DMRT1: variants seen among roughly 807,000 people sequenced by gnomAD.
The protein encoded by DMRT1 is doublesex- and mab-3-related transcription factor 1.
DMRT1 carries 7 observed loss-of-function variants against 32.3 expected under a neutral mutation model. The observed-to-expected ratio is 0.22, with a 90% CI of 0.12 to 0.41. DMRT1 has a LOEUF of 0.41. DMRT1 is among the 10% of genes least tolerant of loss of function. DMRT1 has a pLI of 1.00. For synonymous variants in DMRT1, 278 were observed against 206.1 expected (o/e 1.35, Z -2.99); for missense variants, 625 against 500.5 (o/e 1.25, Z -2.37).
chr9:855,799 A>G (rs1460576456), intron 2 of DMRT1, among the ~76,000 whole-genome samples: 1 of 152,134 alleles, frequency 6.6e-6, no homozygotes, highest in Non-Finnish European at 1.5e-5. Flanking sequence ...AAATATTTTT[A>G]TAGAGATGGG....
chr9:954,403 G>C lies in DMRT1; in HGVS notation c.968-13582G>C, dbSNP rs146320068. Among the ~76,000 whole-genome samples, 335 of 152,184 alleles carry C rather than the reference G, an allele frequency of 2.2e-3. 2 individuals carry two copies. The highest frequency in any genetic ancestry group is 7.6e-3 in the African/African-American group (317 of 41,536). On this transcript the variant is annotated intron_variant, in intron 4 of 4. Transcript: ENST00000382276. ...AGGCTGTGGTAGGATAGGGTCATTG[G>C]AAAGGAAGGATATGTGTAAGGAGGG...
rs571939453 is a variant in DMRT1 at position 945,725 on chromosome 9, A to T, written c.968-22260A>T. Reference sequence around the variant, plus strand: ...GTAGTTCCTGATGAGTTGCTTTTTTAAAAAAAAATACACACTTTTTTTTTT... The same window carrying T: ...GTAGTTCCTGATGAGTTGCTTTTTTTAAAAAAAATACACACTTTTTTTTTT... On this transcript the variant is annotated intron_variant, in intron 4 of 4. Transcript: ENST00000382276. Among the ~76,000 whole-genome samples the T allele has an allele frequency of 9.7e-3, 1,426 of 147,154 alleles. 26 individuals carry two copies. Among genetic ancestry groups the T allele is most frequent in the African/African-American group, 0.034 (1,296 of 38,536 alleles).
chr9:856,593 A>G (rs1455122764), intron 2 of DMRT1, among the ~76,000 whole-genome samples: 1 of 152,190 alleles, frequency 6.6e-6, no homozygotes, highest in Non-Finnish European at 1.5e-5. Flanking sequence ...TATATTAGTA[A>G]TATTTCATCA....
chr9:952,599 T>A (rs146014255), intron 4 of DMRT1, among the ~76,000 whole-genome samples: 12 of 152,272 alleles, frequency 7.9e-5, no homozygotes, highest in Admixed American at 2.6e-4. Context: ...TACTTATGCT[T>A]GAAGGAGCTG....
At chr9:906,686 T>G (rs903229564) in intron 3 of DMRT1, among the ~76,000 whole-genome samples, 4 of 152,214 alleles carry the variant, frequency 2.6e-5, no homozygotes, top group African/African-American at 7.2e-5. Context: ...GCATCATTTC[T>G]CATTTTCAGA....
chr9:856,196 T>A (rs1304915107), intron 2 of DMRT1, among the ~76,000 whole-genome samples: 1 of 152,124 alleles, frequency 6.6e-6, no homozygotes, highest in Non-Finnish European at 1.5e-5. Context: ...GGATTACAGG[T>A]GTGAGCCACC....
chr9:888,827 G>C (rs953612220), intron 2 of DMRT1, among the ~76,000 whole-genome samples: 2 of 151,914 alleles, frequency 1.3e-5, no homozygotes, highest in African/African-American at 2.4e-5. Flanking sequence ...AACAGTTTTA[G>C]CACATCAGAA....
At chr9:939,156 C>T (rs7856742) in intron 4 of DMRT1, among the ~76,000 whole-genome samples, 44,551 of 152,190 alleles carry the variant, frequency 0.29, 10,183 homozygotes, top group African/African-American at 0.64. Context: ...TGGATCCTGA[C>T]CTAGCCCTGC....
intron 2 of DMRT1, among the ~76,000 whole-genome samples, chr9:891,147 C>G (rs35674302): frequency 0.61 from 92,617 of 151,032 alleles, 30,064 homozygotes; most frequent in Non-Finnish European, 0.73. Context: ...TGAGACCAGC[C>G]TGGGCAACAT....
chr9:868,265 A>G (rs1816078210), intron 2 of DMRT1, among the ~76,000 whole-genome samples: 1 of 152,144 alleles, frequency 6.6e-6, no homozygotes. Context: ...AGGCGTGACC[A>G]CTGCACCTGG....
intron 4 of DMRT1, among the ~76,000 whole-genome samples, chr9:946,906 C>CA (rs1819263843): frequency 6.6e-6 from 1 of 152,188 alleles, no homozygotes; most frequent in Admixed American, 6.5e-5. Flanking sequence ...CAGTGCCTGA[C>CA]AATGCAAGGA....
intron 2 of DMRT1, among the ~76,000 whole-genome samples, chr9:883,096 T>A (rs906348572): frequency 6.6e-6 from 1 of 151,646 alleles, no homozygotes; most frequent in Non-Finnish European, 1.5e-5. Context: ...ACTCTTTCAC[T>A]CTTTCCAGAT....
chr9:844,313 C>T (rs192685170), intron 1 of DMRT1, among the ~76,000 whole-genome samples: 77 of 152,202 alleles, frequency 5.1e-4, no homozygotes, highest in Non-Finnish European at 3.2e-4. Context: ...ATTGATCTTA[C>T]GTATGATTCT....
intron 4 of DMRT1, among the ~76,000 whole-genome samples, chr9:925,143 G>A (rs1221090451): frequency 1.3e-5 from 2 of 152,334 alleles, no homozygotes; most frequent in Admixed American, 6.5e-5. Flanking sequence ...GTGCCCACAC[G>A]GAGGGTCAGC....
chr9:893,691 T>G (rs1306927902), intron 2 of DMRT1, among the ~76,000 whole-genome samples: 4 of 152,250 alleles, frequency 2.6e-5, no homozygotes, highest in African/African-American at 9.6e-5. Context: ...TTTGATACTC[T>G]CAGTAAAAAC....
In DMRT1 at chr9:958,748, A is replaced by T. The variant is rs111771902; in HGVS notation, c.968-9237A>T. On this transcript the variant is annotated intron_variant, in intron 4 of 4. Transcript: ENST00000382276. ...CCTAAGTGTAAATATTTTGTTAAAC[A>T]TTGTGTTTTATTAGAGATTATATAA... Among the ~76,000 whole-genome samples the T allele has an allele frequency of 7.6e-3, 1,151 of 152,324 alleles. 16 individuals are homozygous for T. Among genetic ancestry groups the T allele is most frequent in the African/African-American group, 0.026 (1,084 of 41,574 alleles).
At chr9:870,001 G>A (rs1216336183) in intron 2 of DMRT1, among the ~76,000 whole-genome samples, 3 of 152,182 alleles carry the variant, frequency 2.0e-5, no homozygotes, top group Admixed American at 2.0e-4. Flanking sequence ...AAACAGTTGA[G>A]CACCCAGTTT....
chr9:917,283 T>G (rs1252737454), intron 4 of DMRT1, among the ~76,000 whole-genome samples: 1 of 152,216 alleles, frequency 6.6e-6, no homozygotes, highest in Admixed American at 6.5e-5. Context: ...TCCCAAAGAC[T>G]TTCATTTTAA....
intron 3 of DMRT1, among the ~76,000 whole-genome samples, chr9:902,709 G>A (rs775743373): frequency 8.7e-5 from 13 of 149,738 alleles, no homozygotes; most frequent in South Asian, 4.4e-4. Context: ...GGTTGGTCTC[G>A]AACTCCTCAC....
Sources: allele counts gnomAD v4.1 joint callset (sites outside exome capture counted in the v4.1 genomes callset), GRCh38; gene constraint gnomAD v4.1.1; transcripts MANE v1.5; gene names NCBI Gene and HGNC (gene_info 2026-07-23, HGNC 2026-07-21).